SCARA3: variants seen among roughly 807,000 people sequenced by gnomAD.
SCARA3 encodes cellular stress response gene protein.
In SCARA3, 39 loss-of-function variants were observed where a neutral mutation model predicts 47.0. That is an observed-to-expected ratio of 0.83 (90% CI 0.64 to 1.08). The LOEUF is 1.08. Ranked by LOEUF, SCARA3 falls within the 50% of genes least tolerant of loss-of-function variation. The pLI is 0.00. For missense variants in SCARA3, 724 were observed against 792.3 expected, an observed-to-expected ratio of 0.91 and a Z score of 1.04; for synonymous variants, 356 against 334.1, an observed-to-expected ratio of 1.07 and a Z score of -0.71.
chr8:27,711,350 A>G, the SCARA3 span, among the ~76,000 whole-genome samples: 1 of 152,220 alleles, frequency 6.6e-6, no homozygotes, highest in East Asian at 1.9e-4. Flanking sequence ...ACTCTTCCAG[A>G]GAGAAGCATT....
chr8:27,724,613 G>A, the SCARA3 span, among the ~76,000 whole-genome samples: 3 of 152,156 alleles, frequency 2.0e-5, no homozygotes, highest in Admixed American at 1.3e-4. Context: ...AGCCAAGATC[G>A]CACCATTGCA....
chr8:27,686,796 C>T, the SCARA3 span, among the ~76,000 whole-genome samples: 1 of 152,152 alleles, frequency 6.6e-6, no homozygotes, highest in African/African-American at 2.4e-5. Flanking sequence ...TTATCTTCAA[C>T]TTTTATTTTA....
chr8:27,659,087 G>C lies in SCARA3; in HGVS notation c.917G>C (p.Gly306Ala). The change falls in exon 5 of 6, where the codon GGC (glycine) becomes GCC (alanine). Residue 306 changes from glycine (G) to alanine (A), a missense_variant. Coordinates refer to ENST00000301904, the MANE Select transcript of SCARA3 (RefSeq NM_016240.3). Reference sequence around the variant, plus strand: ...CACGACCTGGTACTCCAGGTCATGGGCTTGCAGCTGCAGCTGGATAACATC... The same window carrying C: ...CACGACCTGGTACTCCAGGTCATGGCCTTGCAGCTGCAGCTGGATAACATC... Reference protein sequence around the residue: ...SMHDLVLQVMGLQLQLDNISS... With the variant: ...SMHDLVLQVMALQLQLDNISS... 2 of 1,614,120 alleles carry C rather than the reference G, an allele frequency of 1.2e-6. No homozygotes were observed. The highest frequency in any genetic ancestry group is 8.5e-7 in the Non-Finnish European group (1 of 1,180,026).
At chr8:27,695,303 C>T in the SCARA3 span, among the ~76,000 whole-genome samples, 2 of 152,140 alleles carry the variant, frequency 1.3e-5, no homozygotes, top group African/African-American at 4.8e-5. Flanking sequence ...GTTAGAGGGT[C>T]TGGGTTTTTC....
the SCARA3 span, among the ~76,000 whole-genome samples, chr8:27,719,305 C>T: frequency 6.6e-6 from 1 of 152,122 alleles, no homozygotes; most frequent in South Asian, 2.1e-4. Context: ...TGCATGTTCT[C>T]ACATGTAAGT....
At chr8:27,701,098 A>AT in the SCARA3 span, 3 of 152,012 alleles carry the variant, frequency 2.0e-5, no homozygotes, top group Non-Finnish European at 4.4e-5. Flanking sequence ...TAAAAAAAAA[A>AT]CAAAAAAACT....
the SCARA3 span, among the ~76,000 whole-genome samples, chr8:27,687,582 G>T: frequency 6.6e-6 from 1 of 152,172 alleles, no homozygotes; most frequent in Non-Finnish European, 1.5e-5. Context: ...CAAGACAAAA[G>T]TCTGCCTGCA....
chr8:27,697,311 C>G, the SCARA3 span: 1 of 215,170 alleles, frequency 4.6e-6, no homozygotes, highest in Non-Finnish European at 1.0e-5. Flanking sequence ...CCTTATCAAG[C>G]ATCACTGAGG....
At chr8:27,635,413 C>T (rs907927340) in intron 1 of SCARA3, among the ~76,000 whole-genome samples, 2 of 152,184 alleles carry the variant, frequency 1.3e-5, no homozygotes, top group African/African-American at 4.8e-5. Context: ...GTTTAATGCT[C>T]TGCAGGTGCT....
the SCARA3 span, among the ~76,000 whole-genome samples, chr8:27,684,991 G>T: frequency 6.6e-6 from 1 of 152,112 alleles, no homozygotes. Context: ...ATAAAGGGTA[G>T]AAATCAGTGA....
chr8:27,660,615 A>ACAT lies in SCARA3; in HGVS notation c.1369+1076_1369+1077insCAT, dbSNP rs1257247981. Among the ~76,000 whole-genome samples, 592 of 110,194 alleles carry ACAT rather than the reference A, an allele frequency of 5.4e-3. 3 individuals carry two copies. The highest frequency in any genetic ancestry group is 6.5e-3 in the Non-Finnish European group (348 of 53,702). 72.3% of individuals were successfully genotyped at this position (110,194 alleles called of 152,430 possible). ...GAGAAGCAATCAATAGCATAGAGATAGATGATAGATAGATAGATAGATAGA... is the reference window on the plus strand; with the variant it reads ...GAGAAGCAATCAATAGCATAGAGATACATGATGATAGATAGATAGATAGATAGA... On this transcript the variant is annotated intron_variant, in intron 5 of 5. Coordinates refer to ENST00000301904, the MANE Select transcript of SCARA3 (RefSeq NM_016240.3).
chr8:27,689,750 CG>C, the SCARA3 span, among the ~76,000 whole-genome samples: 48 of 152,096 alleles, frequency 3.2e-4, no homozygotes, highest in African/African-American at 1.1e-3. Flanking sequence ...TAGGCTGGGC[CG>C]GACCTAGCAG....
chr8:27,709,659 G>T, the SCARA3 span, among the ~76,000 whole-genome samples: 9 of 152,202 alleles, frequency 5.9e-5, no homozygotes, highest in Non-Finnish European at 1.2e-4. Context: ...GCAGGCAGCT[G>T]CTGGCTTCCC....
chr8:27,635,981 C>G (rs1294124454), intron 1 of SCARA3, among the ~76,000 whole-genome samples: 7 of 152,216 alleles, frequency 4.6e-5, no homozygotes, highest in African/African-American at 1.7e-4. Context: ...CTGGCACCTT[C>G]TTTCTGTGCT....
At chr8:27,710,568 T>C in the SCARA3 span, among the ~76,000 whole-genome samples, 3 of 152,198 alleles carry the variant, frequency 2.0e-5, no homozygotes, top group African/African-American at 7.2e-5. Flanking sequence ...GTCTTTCAAC[T>C]GCCTCATTGC....
In SCARA3 at chr8:27,671,913, T is replaced by A. The variant is rs907003316; in HGVS notation, c.*562T>A. 1.0e-6 allele frequency: 1 copy of A among 985,328 alleles called. No individual in the cohort carries two copies. Among genetic ancestry groups the A allele is most frequent in the African/African-American group, 1.7e-5 (1 of 57,246 alleles). The allele number at this position is 985,328 out of a possible 1,614,324, so 61.0% of individuals were successfully genotyped here. On this transcript the variant is annotated 3_prime_UTR_variant, in exon 6 of 6. Coordinates refer to ENST00000301904, the MANE Select transcript of SCARA3 (RefSeq NM_016240.3). ...GAGGGCAGAGGAAGACCCCCTCTCC[T>A]GTGACTGAGCCTGCCAGGGAGGCAG...
chr8:27,667,591 C>T (rs769132359), intron 5 of SCARA3, among the ~76,000 whole-genome samples: 24 of 152,198 alleles, frequency 1.6e-4, no homozygotes, highest in Non-Finnish European at 3.4e-4. Context: ...AGCACGTGGC[C>T]ACCCGCTGCA....
At chr8:27,661,172 A>C (rs1240233451) in intron 5 of SCARA3, among the ~76,000 whole-genome samples, 1 of 152,162 alleles carries the variant, frequency 6.6e-6, no homozygotes, top group Non-Finnish European at 1.5e-5. Context: ...ATTATATTTG[A>C]CCAATATCTG....
chr8:27,705,456 G>T, the SCARA3 span, among the ~76,000 whole-genome samples: 1 of 152,224 alleles, frequency 6.6e-6, no homozygotes, highest in Non-Finnish European at 1.5e-5. Context: ...CAAAGCAAAT[G>T]CAGCTCAAAA....
Sources: gnomAD v4.1 joint callset for allele counts (sites outside exome capture counted in the v4.1 genomes callset) on GRCh38, gnomAD v4.1.1 for gene constraint, MANE v1.5 for transcripts, NCBI Gene and HGNC (gene_info 2026-07-23, HGNC 2026-07-21) for gene names.